ROBO2: variants seen among roughly 807,000 people sequenced by gnomAD.
ROBO2 encodes roundabout guidance receptor 2, also known as roundabout homolog 2.
A neutral mutation model predicts 160.8 loss-of-function variants in ROBO2; 53 were observed. That is an observed-to-expected ratio of 0.33 (90% CI 0.26 to 0.41). The LOEUF is 0.41. Ranked by LOEUF, ROBO2 falls within the 10% of genes least tolerant of loss-of-function variation. The probability of loss-of-function intolerance (pLI) is 1.00; values close to 1 mark genes in which losing one functional copy is unlikely to be tolerated. For synonymous variants in ROBO2, 664 were observed against 611.7 expected, an observed-to-expected ratio of 1.09 and a Z score of -1.26; for missense variants, 1,577 against 1,722.4, an observed-to-expected ratio of 0.92 and a Z score of 1.49.
intron 2 of ROBO2, among the ~76,000 whole-genome samples, chr3:76,149,940 C>T (rs1394322247): frequency 4.6e-5 from 7 of 151,468 alleles, no homozygotes; most frequent in Admixed American, 2.6e-4. Flanking sequence ...CTGTCTAAAA[C>T]ACACATCTGT....
At chr3:76,052,206 G>A (rs959090437) in intron 2 of ROBO2, among the ~76,000 whole-genome samples, 1 of 152,048 alleles carries the variant, frequency 6.6e-6, no homozygotes, top group African/African-American at 2.4e-5. Context: ...AGGACAGGAT[G>A]TCTTCCAGGA....
intron 2 of ROBO2, among the ~76,000 whole-genome samples, chr3:76,010,252 A>G (rs2066155460): frequency 6.6e-6 from 1 of 152,222 alleles, no homozygotes. Flanking sequence ...ACTCCTGGCT[A>G]GTTTAAGAAA....
chr3:76,738,117 C>G (rs2093744383), intron 2 of ROBO2, among the ~76,000 whole-genome samples: 1 of 151,756 alleles, frequency 6.6e-6, no homozygotes, highest in Admixed American at 6.6e-5. Context: ...CCAGGTGACA[C>G]AGGGAGACCC....
chr3:77,356,530 C>T (rs2069155843), intron 2 of ROBO2, among the ~76,000 whole-genome samples: 1 of 152,050 alleles, frequency 6.6e-6, no homozygotes, highest in African/African-American at 2.4e-5. Context: ...TTTTTCTTAC[C>T]CATCCCTGGG....
intron 2 of ROBO2, among the ~76,000 whole-genome samples, chr3:77,128,373 A>G (rs987514790): frequency 5.9e-5 from 9 of 152,178 alleles, no homozygotes; most frequent in African/African-American, 2.2e-4. Flanking sequence ...AAAACATGGT[A>G]TATACTGTAC....
At chr3:76,701,147 C>T (rs1374009780) in intron 2 of ROBO2, among the ~76,000 whole-genome samples, 3 of 151,998 alleles carry the variant, frequency 2.0e-5, no homozygotes, top group Non-Finnish European at 4.4e-5. Context: ...GGAATACCAT[C>T]AAAATGGCTA....
chr3:77,386,649 C>T (rs1357483691), intron 2 of ROBO2, among the ~76,000 whole-genome samples: 1 of 121,402 alleles, frequency 8.2e-6, no homozygotes, highest in African/African-American at 3.1e-5. Flanking sequence ...GTCACCCAGG[C>T]TGAAGTGCAA....
At chr3:77,188,970 A>AGT (rs2081548091) in intron 2 of ROBO2, among the ~76,000 whole-genome samples, 1 of 111,332 alleles carries the variant, frequency 9.0e-6, no homozygotes, top group Non-Finnish European at 2.0e-5. Flanking sequence ...TGTGTGTGTG[A>AGT]GAGAGAGAGA....
At chr3:76,738,847 TTTC>T (rs2093756520) in intron 2 of ROBO2, among the ~76,000 whole-genome samples, 1 of 152,202 alleles carries the variant, frequency 6.6e-6, no homozygotes, top group African/African-American at 2.4e-5. Flanking sequence ...ATTGTTTTTT[TTTC>T]TTTTTAAAAA....
intron 2 of ROBO2, among the ~76,000 whole-genome samples, chr3:76,969,941 G>T (rs1449208029): frequency 6.6e-6 from 1 of 152,118 alleles, no homozygotes; most frequent in Non-Finnish European, 1.5e-5. Context: ...ATTGCAATAA[G>T]TGGCATAAGA....
intron 2 of ROBO2, among the ~76,000 whole-genome samples, chr3:76,957,819 A>G (rs1191000216): frequency 4.0e-5 from 6 of 150,272 alleles, no homozygotes; most frequent in Non-Finnish European, 8.9e-5. Flanking sequence ...CTACAGAGCA[A>G]GACTCTGTCT....
intron 2 of ROBO2, among the ~76,000 whole-genome samples, chr3:77,450,899 T>C (rs543131140): frequency 2.5e-4 from 38 of 151,740 alleles, no homozygotes; most frequent in Non-Finnish European, 4.7e-4. Flanking sequence ...AAATTCGGAG[T>C]ATAGTGAAAT....
intron 2 of ROBO2, among the ~76,000 whole-genome samples, chr3:76,999,466 T>C (rs2061220620): frequency 1.3e-5 from 2 of 152,206 alleles, no homozygotes; most frequent in South Asian, 4.1e-4. Context: ...TTTGAACCTA[T>C]GTCTTTACAA....
At chr3:77,259,528 A>G (rs1373536337) in intron 2 of ROBO2, among the ~76,000 whole-genome samples, 2 of 152,226 alleles carry the variant, frequency 1.3e-5, no homozygotes, top group Admixed American at 6.5e-5. Context: ...AGTACTAAAA[A>G]TGTAAATGAT....
intron 2 of ROBO2, among the ~76,000 whole-genome samples, chr3:76,355,521 T>A (rs561089724): frequency 1.6e-4 from 24 of 151,892 alleles, no homozygotes; most frequent in African/African-American, 5.5e-4. Flanking sequence ...AGCTATGAGC[T>A]CATGGTTCTT....
At chr3:76,676,228 C>T (rs1181333989) in intron 2 of ROBO2, among the ~76,000 whole-genome samples, 1 of 151,766 alleles carries the variant, frequency 6.6e-6, no homozygotes, top group African/African-American at 2.4e-5. Context: ...ATTATGGAGG[C>T]GATTTCCCCG....
At chr3:76,524,823 T>C (rs1177847480) in intron 2 of ROBO2, among the ~76,000 whole-genome samples, 1 of 73,220 alleles carries the variant, frequency 1.4e-5, no homozygotes, top group Non-Finnish European at 2.5e-5. Flanking sequence ...ACCCTCTTAT[T>C]CCTAAAAAAA....
intron 2 of ROBO2, among the ~76,000 whole-genome samples, chr3:76,788,165 T>G (rs1262105391): frequency 6.6e-6 from 1 of 151,354 alleles, no homozygotes; most frequent in African/African-American, 2.4e-5. Context: ...TCATATTTGT[T>G]GAGTACCTAG....
At chr3:76,560,951 T>G (rs1047910904) in intron 2 of ROBO2, among the ~76,000 whole-genome samples, 3 of 145,378 alleles carry the variant, frequency 2.1e-5, no homozygotes, top group Non-Finnish European at 3.0e-5. Context: ...TATATATATA[T>G]ATATATATAT....
Sources: gnomAD v4.1 joint callset for allele counts (sites outside exome capture counted in the v4.1 genomes callset) on GRCh38, gnomAD v4.1.1 for gene constraint, MANE v1.5 for transcripts, NCBI Gene and HGNC (gene_info 2026-07-23, HGNC 2026-07-21) for gene names.